NRXN3: variants seen among roughly 807,000 people sequenced by gnomAD.
NRXN3 encodes the protein neurexin 3.
NRXN3 carries 32 observed loss-of-function variants against 137.6 expected under a neutral mutation model. The ratio of observed to expected loss-of-function variants is 0.23; its 90% CI spans 0.18 to 0.31. The LOEUF (loss-of-function observed/expected upper bound fraction) is 0.31. Ranked by LOEUF, NRXN3 falls within the 10% of genes least tolerant of loss-of-function variation. The pLI, the probability that NRXN3 is intolerant of heterozygous loss-of-function variation, is 1.00. For missense variants in NRXN3, 1,574 were observed against 2,062.5 expected, an observed-to-expected ratio of 0.76 and a Z score of 4.59; for synonymous variants, 798 against 784.5, an observed-to-expected ratio of 1.02 and a Z score of -0.29.
At chr14:79,132,711 G>C (rs912464543) in intron 15 of NRXN3, among the ~76,000 whole-genome samples, 2 of 152,150 alleles carry the variant, frequency 1.3e-5, no homozygotes, top group South Asian at 2.1e-4. Context: ...AAACCACCAG[G>C]TGCTAATAGT....
intron 4 of NRXN3, among the ~76,000 whole-genome samples, chr14:78,490,170 CCGAA>C (rs2095639381): frequency 8.4e-6 from 1 of 119,242 alleles, no homozygotes; most frequent in Admixed American, 8.3e-5. Context: ...ACCTCGGCCT[CCGAA>C]AGTGCTGGGA....
intron 14 of NRXN3, among the ~76,000 whole-genome samples, chr14:78,981,254 C>A (rs2099488707): frequency 6.6e-6 from 1 of 152,120 alleles, no homozygotes; most frequent in Non-Finnish European, 1.5e-5. Context: ...AAAACAAAAA[C>A]AAATCCTTAC....
At chr14:79,604,390 A>G (rs927275346) in intron 16 of NRXN3, among the ~76,000 whole-genome samples, 4 of 149,652 alleles carry the variant, frequency 2.7e-5, no homozygotes, top group African/African-American at 9.9e-5. Context: ...GCCTGCCACC[A>G]TGCCCAGCTA....
At chr14:79,693,300 C>CAACTT (rs1421746165) in intron 18 of NRXN3, among the ~76,000 whole-genome samples, 1 of 151,918 alleles carries the variant, frequency 6.6e-6, no homozygotes, top group Non-Finnish European at 1.5e-5. Flanking sequence ...ACTTAGTATA[C>CAACTT]AACTTAAAGA....
intron 15 of NRXN3, among the ~76,000 whole-genome samples, chr14:79,202,574 T>C (rs1446178764): frequency 6.6e-6 from 1 of 152,122 alleles, no homozygotes; most frequent in Non-Finnish European, 1.5e-5. Flanking sequence ...ACTGTGTCAC[T>C]GTAATACCTT....
intron 15 of NRXN3, among the ~76,000 whole-genome samples, chr14:79,214,520 G>A (rs1262425036): frequency 6.6e-6 from 1 of 152,114 alleles, no homozygotes; most frequent in Non-Finnish European, 1.5e-5. Flanking sequence ...TGATAGATAG[G>A]CCAATTACTC....
At chr14:78,984,507 T>G (rs1256481889) in intron 14 of NRXN3, among the ~76,000 whole-genome samples, 1 of 152,136 alleles carries the variant, frequency 6.6e-6, no homozygotes, top group African/African-American at 2.4e-5. Context: ...ACTCAAAGAA[T>G]AAAAATGAAA....
intron 16 of NRXN3, among the ~76,000 whole-genome samples, chr14:79,652,587 C>G (rs981749819): frequency 6.6e-6 from 1 of 152,090 alleles, no homozygotes; most frequent in Admixed American, 6.6e-5. Context: ...GATGTGTTCT[C>G]TAATTATTCT....
chr14:79,466,727 T>TACAAG (rs1254786305), intron 15 of NRXN3, among the ~76,000 whole-genome samples: 1 of 152,144 alleles, frequency 6.6e-6, no homozygotes, highest in Non-Finnish European at 1.5e-5. Context: ...TGGGAGAAGG[T>TACAAG]ACAAGCAGGA....
intron 8 of NRXN3, among the ~76,000 whole-genome samples, chr14:78,724,600 A>G (rs2098474735): frequency 6.6e-6 from 1 of 152,180 alleles, no homozygotes; most frequent in South Asian, 2.1e-4. Flanking sequence ...GGCTTTTTCA[A>G]AGAAATATAC....
At chr14:79,602,828 T>G in intron 16 of NRXN3, among the ~76,000 whole-genome samples, 1 of 152,310 alleles carries the variant, frequency 6.6e-6, no homozygotes, top group South Asian at 2.1e-4. Flanking sequence ...AATTCTGGAA[T>G]GATTTCCAAA....
chr14:78,457,215 T>G (rs1208304716), intron 4 of NRXN3, among the ~76,000 whole-genome samples: 2 of 152,034 alleles, frequency 1.3e-5, no homozygotes, highest in Non-Finnish European at 2.9e-5. Flanking sequence ...ATTGTTGTAT[T>G]TTTAGTAGAG....
intron 19 of NRXN3, among the ~76,000 whole-genome samples, chr14:79,753,845 T>A (rs2099008096): frequency 6.6e-6 from 1 of 151,976 alleles, no homozygotes; most frequent in East Asian, 1.9e-4. Context: ...TATTCACAGG[T>A]TCCCCATCCA....
At chr14:79,174,420 T>A (rs2062090931) in intron 15 of NRXN3, among the ~76,000 whole-genome samples, 2 of 151,692 alleles carry the variant, frequency 1.3e-5, no homozygotes, top group Admixed American at 1.3e-4. Flanking sequence ...TATTGCCGTT[T>A]GAGATGTAGA....
chr14:79,355,391 G>A (rs190520322), intron 15 of NRXN3, among the ~76,000 whole-genome samples: 1,579 of 152,136 alleles, frequency 0.01, 24 homozygotes, highest in African/African-American at 0.036. Flanking sequence ...CCTAGTTAGA[G>A]TAGACACAAA....
At chr14:78,324,936 ACTC>A (rs1339879576) in intron 4 of NRXN3, among the ~76,000 whole-genome samples, 2 of 151,678 alleles carry the variant, frequency 1.3e-5, no homozygotes, top group East Asian at 3.9e-4. Flanking sequence ...GAACAACTAA[ACTC>A]CTGGTACTGA....
intron 9 of NRXN3, among the ~76,000 whole-genome samples, chr14:78,805,790 T>G (rs549617796): frequency 6.6e-6 from 1 of 152,076 alleles, no homozygotes; most frequent in Non-Finnish European, 1.5e-5. Flanking sequence ...CCCCATTAGG[T>G]GTTGTTTAGT....
At chr14:78,559,485 C>A (rs73324490) in intron 4 of NRXN3, among the ~76,000 whole-genome samples, 3,440 of 152,232 alleles carry the variant, frequency 0.023, 118 homozygotes, top group African/African-American at 0.075. Flanking sequence ...TGGCCCTGAG[C>A]AAAAATTGCT....
At chr14:79,210,893 C>A (rs1022908831) in intron 15 of NRXN3, among the ~76,000 whole-genome samples, 1 of 152,102 alleles carries the variant, frequency 6.6e-6, no homozygotes, top group African/African-American at 2.4e-5. Flanking sequence ...CTTAGAGAAA[C>A]ACAGGGCTCT....
Sources: gnomAD v4.1 joint callset for allele counts (sites outside exome capture counted in the v4.1 genomes callset) on GRCh38, gnomAD v4.1.1 for gene constraint, MANE v1.5 for transcripts, NCBI Gene and HGNC (gene_info 2026-07-23, HGNC 2026-07-21) for gene names.